Variants in KIF6 observed in about 807,000 individuals in gnomAD.
The protein encoded by KIF6 is kinesin-like protein KIF6.
KIF6 carries 106 observed loss-of-function variants against 112.7 expected under a neutral mutation model. The observed-to-expected ratio is 0.94, with a 90% CI of 0.80 to 1.11. The LOEUF is 1.11. Among genes scored for constraint, KIF6 ranks in the 50% least tolerant of loss-of-function variants. The pLI is 0.00. For missense variants in KIF6, 929 were observed against 964.0 expected (o/e 0.96, Z 0.48); for synonymous variants, 339 against 339.9 (o/e 1.00, Z 0.03).
chr6:39,632,494 G>A (rs962402292), intron 5 of KIF6, among the ~76,000 whole-genome samples: 8 of 152,000 alleles, frequency 5.3e-5, no homozygotes, highest in Non-Finnish European at 1.2e-4. Flanking sequence ...AATGAAATCA[G>A]TCAACCAGAG....
rs34333435 is a variant in KIF6 at position 39,715,505 on chromosome 6, A to ATTTT, written c.177-743_177-740dup. On this transcript the variant is annotated intron_variant, in intron 2 of 22. Coordinates refer to ENST00000287152, the MANE Select transcript of KIF6 (RefSeq NM_145027.6). ...ACTCGGGGTAGAAGACACAGAATCT[A>ATTTT]TTTTTTTTTTTTTTTTGAGACAGAG... Among the ~76,000 whole-genome samples the ATTTT allele has an allele frequency of 1.0e-3, 143 of 138,260 alleles. 7 individuals are homozygous for ATTTT. The highest frequency in any genetic ancestry group is 1.5e-3 in the Non-Finnish European group (98 of 64,950). 90.7% of individuals were successfully genotyped at this position (138,260 alleles called of 152,430 possible). A position where few individuals can be genotyped will look rare whatever the true frequency, so the allele number is the denominator to read the frequency against.
chr6:39,603,325 A>T (rs2150700553), intron 6 of KIF6, among the ~76,000 whole-genome samples: 1 of 152,230 alleles, frequency 6.6e-6, no homozygotes, highest in South Asian at 2.1e-4. Flanking sequence ...CATAACATCA[A>T]ATGCCTGGAT....
chr6:39,669,442 T>G (rs1436619666), intron 3 of KIF6, among the ~76,000 whole-genome samples: 2 of 152,260 alleles, frequency 1.3e-5, no homozygotes, highest in East Asian at 1.9e-4. Context: ...CTGACCTGCA[T>G]AATTCATCTA....
At chr6:39,502,585 G>A (rs952518937) in intron 13 of KIF6, among the ~76,000 whole-genome samples, 3 of 152,194 alleles carry the variant, frequency 2.0e-5, no homozygotes, top group African/African-American at 4.8e-5. Context: ...TTGTTATGCT[G>A]TCTTCAAGAG....
Position 39,530,815 on chromosome 6 carries a change from T to C in KIF6, c.1645+9188A>G, listed in dbSNP as rs994268828. On this transcript the variant is annotated intron_variant, in intron 13 of 22. Transcript: ENST00000287152. ...TTAATAGAAACTGTTAACACTGACA[T>C]AAGGCAGAAATTCTTTCAAAACAAC... Among the ~76,000 whole-genome samples, 7 of 152,364 alleles carry C rather than the reference T, an allele frequency of 4.6e-5. No individual in the cohort carries two copies. In the East Asian group the frequency reaches 1.3e-3, roughly 29 times the overall value.
At chr6:39,637,355 C>T (rs1340954687) in intron 4 of KIF6, among the ~76,000 whole-genome samples, 1 of 151,960 alleles carries the variant, frequency 6.6e-6, no homozygotes, top group East Asian at 1.9e-4. Context: ...CTTATTACTC[C>T]TTTTTAGTGT....
chr6:39,560,819 C>T (rs1395508736), intron 10 of KIF6, among the ~76,000 whole-genome samples: 3 of 152,142 alleles, frequency 2.0e-5, no homozygotes, highest in African/African-American at 7.2e-5. Flanking sequence ...TCTGTGTTCT[C>T]TGCAGAAAAT....
chr6:39,574,155 A>T (rs1780797456), intron 10 of KIF6, among the ~76,000 whole-genome samples: 1 of 152,200 alleles, frequency 6.6e-6, no homozygotes, highest in Admixed American at 6.5e-5. Context: ...GAAAAATTTA[A>T]TTGTTATTTG....
chr6:39,665,715 GT>G (rs149602793), intron 3 of KIF6, among the ~76,000 whole-genome samples: 7 of 149,348 alleles, frequency 4.7e-5, no homozygotes, highest in Admixed American at 1.3e-4. Flanking sequence ...GTGAAGAGCT[GT>G]TTTTTTTTTC....
At chr6:39,506,717 C>T (rs1428232898) in intron 13 of KIF6, among the ~76,000 whole-genome samples, 1 of 152,116 alleles carries the variant, frequency 6.6e-6, no homozygotes, top group African/African-American at 2.4e-5. Flanking sequence ...GTGTATCTTT[C>T]ATTCTAATGA....
intron 13 of KIF6, among the ~76,000 whole-genome samples, chr6:39,464,470 G>A (rs1233050773): frequency 1.3e-5 from 2 of 152,182 alleles, no homozygotes; most frequent in Non-Finnish European, 2.9e-5. Context: ...TAACTTAAGG[G>A]TCCCAGTGAA....
At chr6:39,370,830 G>T (rs1298888660) in intron 16 of KIF6, among the ~76,000 whole-genome samples, 1 of 152,098 alleles carries the variant, frequency 6.6e-6, no homozygotes, top group Non-Finnish European at 1.5e-5. Flanking sequence ...TGCTGGGGGT[G>T]GGGGGCAAGA....
chr6:39,421,063 C>T lies in KIF6; in HGVS notation c.1755-1060G>A, dbSNP rs537514567. On this transcript the variant is annotated intron_variant, in intron 14 of 22. Coordinates refer to ENST00000287152, the MANE Select transcript of KIF6 (RefSeq NM_145027.6). ...AATGTTAGTTGCTTTCCCTCCTCTC[C>T]TTTCTGCCATGAAGTTAAAGAGACA... Among the ~76,000 whole-genome samples the T allele has an allele frequency of 4.6e-5, 7 of 152,344 alleles. No homozygotes were observed. In the South Asian group the frequency reaches 1.5e-3, roughly 32 times the overall value.
At chr6:39,337,217 TTCTTTCTTTCTTTCTTTC>T (rs1763060259) in intron 22 of KIF6, among the ~76,000 whole-genome samples, 3 of 117,872 alleles carry the variant, frequency 2.5e-5, no homozygotes, top group Admixed American at 2.5e-4. Context: ...CTTTCTTTCT[TTCTTTCTTTCTTTCTTTC>T]TTTTTCTTTC....
At chr6:39,347,376 GCAGCTGTGCCTGCT>G (rs1210484572) in intron 19 of KIF6, among the ~76,000 whole-genome samples, 1 of 152,238 alleles carries the variant, frequency 6.6e-6, no homozygotes, top group Non-Finnish European at 1.5e-5. Flanking sequence ...CTCATTAGAT[GCAGCTGTGCCTGCT>G]CACCTAGGCT....
intron 13 of KIF6, among the ~76,000 whole-genome samples, chr6:39,532,949 C>T (rs975123693): frequency 3.9e-5 from 6 of 152,182 alleles, no homozygotes; most frequent in Admixed American, 6.5e-5. Flanking sequence ...GAAACACACG[C>T]GAATGAACTT....
chr6:39,549,224 G>C (rs1318523728), intron 10 of KIF6, among the ~76,000 whole-genome samples: 1 of 147,348 alleles, frequency 6.8e-6, no homozygotes, highest in Admixed American at 6.8e-5. Context: ...TATATTCCTT[G>C]TACAAAAAAA....
At chr6:39,409,753 C>A (rs887837763) in intron 15 of KIF6, among the ~76,000 whole-genome samples, 10 of 152,170 alleles carry the variant, frequency 6.6e-5, no homozygotes, top group Non-Finnish European at 1.0e-4. Context: ...GCTATTCCCA[C>A]CCTTGTGTGT....
At chr6:39,461,984 A>G (rs1453779033) in intron 13 of KIF6, among the ~76,000 whole-genome samples, 1 of 152,166 alleles carries the variant, frequency 6.6e-6, no homozygotes, top group Non-Finnish European at 1.5e-5. Flanking sequence ...ATTAATTAAA[A>G]TGAAATAAAA....
Sources: gnomAD v4.1 joint callset for allele counts (sites outside exome capture counted in the v4.1 genomes callset) on GRCh38, gnomAD v4.1.1 for gene constraint, MANE v1.5 for transcripts, NCBI Gene and HGNC (gene_info 2026-07-23, HGNC 2026-07-21) for gene names.